TTL: variants seen among roughly 807,000 people sequenced by gnomAD.
The protein encoded by TTL is tubulin--tyrosine ligase.
TTL carries 10 observed loss-of-function variants against 41.1 expected under a neutral mutation model. The observed-to-expected ratio is 0.24, with a 90% CI of 0.15 to 0.41. The LOEUF is 0.41. Ranked by LOEUF, TTL falls within the 10% of genes least tolerant of loss-of-function variation. The pLI, the probability that TTL is intolerant of heterozygous loss-of-function variation, is 1.00. For synonymous variants in TTL, 175 were observed against 175.5 expected (o/e 1.00, Z 0.02); for missense variants, 367 against 460.4 (o/e 0.80, Z 1.86).
At chr2:112,525,745 G>T (rs1029244767) in intron 6 of TTL, among the ~76,000 whole-genome samples, 34 of 152,170 alleles carry the variant, frequency 2.2e-4, no homozygotes, top group Admixed American at 1.0e-3. Flanking sequence ...GGGACAATTT[G>T]ACTTCCTTTT....
chr2:112,525,383 G>C (rs190810286), intron 6 of TTL, among the ~76,000 whole-genome samples: 14 of 152,322 alleles, frequency 9.2e-5, no homozygotes, highest in Admixed American at 2.0e-4. Context: ...ACCTTGGGTA[G>C]TATGGCCATT....
Position 112,485,981 on chromosome 2 carries a change from A to G in TTL, c.222A>G (p.Lys74=). Residue 74 remains lysine (K), a synonymous_variant, in exon 2 of 7, where the codon AAA becomes AAG. Coordinates refer to ENST00000233336, the MANE Select transcript of TTL (RefSeq NM_153712.5). ...YYRGADKLCR[K]ASLVKLIKTS... Reference sequence around the variant, plus strand: ...GGGGTGCTGACAAACTGTGTCGCAAAGCTTCTTTAGTGAAGTAAGTGTTAA... The same window carrying G: ...GGGGTGCTGACAAACTGTGTCGCAAGGCTTCTTTAGTGAAGTAAGTGTTAA... 6.2e-7 allele frequency: 1 copy of G among 1,614,200 alleles called. No homozygotes were observed. Among genetic ancestry groups the G allele is most frequent in the South Asian group, 1.1e-5 (1 of 91,078 alleles).
rs1682566537 is a variant in TTL at position 112,534,589 on chromosome 2, T to C, written c.*5794T>C. 1 of 152,246 alleles carries C rather than the reference T, an allele frequency of 6.6e-6. No individual in the cohort carries two copies. The highest frequency in any genetic ancestry group is 1.5e-5 in the Non-Finnish European group (1 of 68,024). 9.4% of individuals were successfully genotyped at this position (152,246 alleles called of 1,614,324 possible). On this transcript the variant is annotated 3_prime_UTR_variant, in exon 7 of 7. Transcript: ENST00000233336. Reference sequence around the variant, plus strand: ...AAGTCCCTACTCCTAGGTCTTGTCTTTATTTGATGTGACTAAGAGGTTACC... The same window carrying C: ...AAGTCCCTACTCCTAGGTCTTGTCTCTATTTGATGTGACTAAGAGGTTACC...
intron 3 of TTL, among the ~76,000 whole-genome samples, chr2:112,496,121 G>A (rs1681516575): frequency 1.3e-5 from 2 of 152,240 alleles, no homozygotes; most frequent in South Asian, 4.1e-4. Context: ...ATTTGGAAGA[G>A]GAAATAGACA....
chr2:112,505,794 G>A (rs1559015345), intron 5 of TTL, among the ~76,000 whole-genome samples: 1 of 1,442 alleles, frequency 6.9e-4, no homozygotes, highest in Non-Finnish European at 1.6e-3. Context: ...TTTCCTAATT[G>A]AATACCCTTT....
At chr2:112,501,731 G>A (rs898867908) in intron 4 of TTL, among the ~76,000 whole-genome samples, 1 of 152,006 alleles carries the variant, frequency 6.6e-6, no homozygotes, top group African/African-American at 2.4e-5. Flanking sequence ...GCCAGGCATG[G>A]TGGCAGGCAC....
At chr2:112,497,720 T>C (rs1057475224) in intron 3 of TTL, among the ~76,000 whole-genome samples, 1 of 151,684 alleles carries the variant, frequency 6.6e-6, no homozygotes, top group Non-Finnish European at 1.5e-5. Flanking sequence ...AAGAAGATAG[T>C]TGAAAAGGGC....
chr2:112,498,322 TAAAA>T (rs945220698), intron 3 of TTL, among the ~76,000 whole-genome samples: 1 of 150,754 alleles, frequency 6.6e-6, no homozygotes, highest in Non-Finnish European at 1.5e-5. Context: ...AAATTCCGTC[TAAAA>T]AAAAACCAAA....
In TTL at chr2:112,530,638, G is replaced by A. The variant is rs137984381; in HGVS notation, c.*1843G>A. ...TGACAGGGAAAGCATGGGCATTTTT[G>A]TATTGCTGTCACATGCTAACAGAGG... On this transcript the variant is annotated 3_prime_UTR_variant, in exon 7 of 7. Coordinates refer to ENST00000233336, the MANE Select transcript of TTL (RefSeq NM_153712.5). 57 of 223,578 alleles carry A rather than the reference G, an allele frequency of 2.5e-4. No homozygotes were observed. Among genetic ancestry groups the A allele is most frequent in the Non-Finnish European group, 3.9e-4 (44 of 111,994 alleles). The allele number at this position is 223,578 out of a possible 1,614,324, so 13.8% of individuals were successfully genotyped here.
At chr2:112,527,910 A>C (rs1007245087) in intron 6 of TTL, among the ~76,000 whole-genome samples, 1 of 152,178 alleles carries the variant, frequency 6.6e-6, no homozygotes, top group Non-Finnish European at 1.5e-5. Flanking sequence ...CCTAGCATCT[A>C]TGGTCTTTAC....
At chr2:112,486,682 G>T (rs113382804) in intron 2 of TTL, among the ~76,000 whole-genome samples, 7 of 152,180 alleles carry the variant, frequency 4.6e-5, no homozygotes, top group Admixed American at 4.6e-4. Flanking sequence ...GGTGAAAAGT[G>T]TAAGTGTTCA....
At chr2:112,512,930 A>G (rs2104466564) in intron 5 of TTL, among the ~76,000 whole-genome samples, 1 of 143,208 alleles carries the variant, frequency 7.0e-6, no homozygotes, top group South Asian at 2.2e-4. Context: ...CCTGTTGAGT[A>G]TTTGGCGCTA....
At chr2:112,526,818 G>C (rs892724782) in intron 6 of TTL, among the ~76,000 whole-genome samples, 1 of 151,940 alleles carries the variant, frequency 6.6e-6, no homozygotes, top group African/African-American at 2.4e-5. Flanking sequence ...GTTATTTCTT[G>C]CCTTCTGCTA....
intron 3 of TTL, among the ~76,000 whole-genome samples, chr2:112,498,100 G>T (rs1343727018): frequency 2.0e-5 from 3 of 152,166 alleles, no homozygotes; most frequent in African/African-American, 7.2e-5. Flanking sequence ...AAGGCGGGCG[G>T]ATCACCTGAG....
chr2:112,503,658 CTTTTTTT>C (rs1202499627), intron 5 of TTL, among the ~76,000 whole-genome samples: 15 of 105,154 alleles, frequency 1.4e-4, no homozygotes, highest in African/African-American at 5.3e-4. Context: ...GTCTTGAACT[CTTTTTTT>C]TTTTTTTTTT....
chr2:112,513,350 TTCTC>T (rs773161483), intron 5 of TTL, among the ~76,000 whole-genome samples: 8 of 152,054 alleles, frequency 5.3e-5, no homozygotes, highest in Non-Finnish European at 1.0e-4. Flanking sequence ...AGTTCTGAGA[TTCTC>T]TCTGGTATCA....
chr2:112,482,579 T>A lies in TTL; in HGVS notation c.157+78T>A. On this transcript the variant is annotated intron_variant, in intron 1 of 6. Coordinates refer to ENST00000233336, the MANE Select transcript of TTL (RefSeq NM_153712.5). This position sits in a 1 kb window ranked among gnomAD's most constrained non-coding sequence, Gnocchi z 5.3. Reference sequence around the variant, plus strand: ...TCCCGCGGCCCGTTAGAACCGGCGCTTTTGTTTTTAAAGGTCATACATTTT... The same window carrying A: ...TCCCGCGGCCCGTTAGAACCGGCGCATTTGTTTTTAAAGGTCATACATTTT... The A allele has an allele frequency of 6.9e-7, 1 of 1,448,814 alleles. No individual in the cohort carries two copies. The highest frequency in any genetic ancestry group is 9.2e-7 in the Non-Finnish European group (1 of 1,091,782). 89.7% of individuals were successfully genotyped at this position (1,448,814 alleles called of 1,614,324 possible).
chr2:112,486,012 C>T lies in TTL; in HGVS notation c.236+17C>T, dbSNP rs745319693. ...TTTAGTGAAGTAAGTGTTAAGACCGCTGTTTTCCATTTTTTACCTAAATGA... is the reference window on the plus strand; with the variant it reads ...TTTAGTGAAGTAAGTGTTAAGACCGTTGTTTTCCATTTTTTACCTAAATGA... On this transcript the variant is annotated intron_variant, in intron 2 of 6. Coordinates refer to ENST00000233336, the MANE Select transcript of TTL (RefSeq NM_153712.5). 1.2e-6 allele frequency: 2 copies of T among 1,612,444 alleles called. No homozygotes were observed. The highest frequency in any genetic ancestry group is 1.3e-5 in the African/African-American group (1 of 74,820).
Position 112,520,259 on chromosome 2 carries a change from G to C in TTL, c.876-23G>C. ...TCCTTTGACCACCCCGTTCTAATGA[G>C]CATTTCCCCTCCTGCCTCATAGGAA... On this transcript the variant is annotated intron_variant, in intron 5 of 6. Coordinates refer to ENST00000233336, the MANE Select transcript of TTL (RefSeq NM_153712.5). The C allele has an allele frequency of 1.9e-6, 3 of 1,612,878 alleles. No homozygotes were observed. The South Asian group carries it at 3.3e-5, about 18-fold the overall frequency.
Sources: gnomAD v4.1 joint callset for allele counts (sites outside exome capture counted in the v4.1 genomes callset) on GRCh38, gnomAD v4.1.1 for gene constraint, Gnocchi (gnomAD v3.1) non-coding constraint, MANE v1.5 for transcripts, NCBI Gene and HGNC (gene_info 2026-07-23, HGNC 2026-07-21) for gene names.